RAB2B: variants seen among roughly 807,000 people sequenced by gnomAD.
RAB2B encodes RAB2B, member RAS oncogene family.
A neutral mutation model predicts 29.8 loss-of-function variants in RAB2B; 20 were observed. The ratio of observed to expected loss-of-function variants is 0.67; its 90% confidence interval spans 0.47 to 0.97. The LOEUF (loss-of-function observed/expected upper bound fraction) is 0.97. Ranked by LOEUF, RAB2B falls within the 50% of genes least tolerant of loss-of-function variation. The pLI is 0.00. For missense variants in RAB2B, 218 were observed against 272.0 expected, an observed-to-expected ratio of 0.80 and a Z score of 1.40; for synonymous variants, 93 against 91.7, an observed-to-expected ratio of 1.01 and a Z score of -0.08.
In RAB2B at chr14:21,476,840, G is replaced by A. The variant is rs907444098; in HGVS notation, c.33C>T (p.Ile11=). The change falls in exon 1 of 8, where the codon ATC becomes ATT. Residue 11 remains isoleucine, a synonymous_variant. Transcript: ENST00000397762. ...CCTGAGGGTTACCTGTGTCTCCGAT[G>A]ATGATATACTTGAAGAGATAAGCAT... The part of the protein sequence containing the change: MTYAYLFKYI[I]IGDTGVGKSC... 6.2e-7 allele frequency: 1 copy of A among 1,613,460 alleles called. No individual in the cohort carries two copies. The highest frequency in any genetic ancestry group is 1.7e-4 in the Middle Eastern group (1 of 5,996).
intron 6 of RAB2B, 131 bp from the exon 7 acceptor site, chr14:21,462,549 T>C (rs975083271): frequency 3.6e-4 from 326 of 899,640 alleles, no homozygotes; most frequent in South Asian, 4.0e-4. Context: ...GTAAAAAACA[T>C]AGAAGGTCGG....
At position 21,461,155 on chromosome 14, in the gene RAB2B, A is replaced by G; in HGVS notation, c.*41T>C. On this transcript the variant is annotated 3_prime_UTR_variant, in exon 8 of 8. Transcript: ENST00000397762. ...CTCTTTCATTAAGCCTATTGATCTG[A>G]AGCTATTCCAGGAAGGACAAAAAAA... The G allele has an allele frequency of 7.3e-7, 1 of 1,363,988 alleles. No individual in the cohort carries two copies. The allele number at this position is 1,363,988 out of a possible 1,614,324, so 84.5% of individuals were successfully genotyped here. A position where few individuals can be genotyped will look rare whatever the true frequency, so the allele number is the denominator to read the frequency against.
At chr14:21,467,081 A>AT (rs928832881) in intron 5 of RAB2B, among the ~76,000 whole-genome samples, 11 of 150,706 alleles carry the variant, frequency 7.3e-5, no homozygotes, top group African/African-American at 2.7e-4. Context: ...TACTTTTTGT[A>AT]TTTTTTCAGT....
At chr14:21,462,210 A>T in intron 7 of RAB2B, 140 bp downstream of exon 7, 1 of 587,488 alleles carries the variant, frequency 1.7e-6, no homozygotes, top group Non-Finnish European at 2.7e-6. Flanking sequence ...TTTAAAAAAA[A>T]AAAAAAAAAA....
chr14:21,475,626 A>G (rs1045633207), intron 2 of RAB2B, among the ~76,000 whole-genome samples: 1 of 152,080 alleles, frequency 6.6e-6, no homozygotes, highest in Non-Finnish European at 1.5e-5. Flanking sequence ...TACATTTCCA[A>G]TAATTGCCAG....
At chr14:21,471,704 C>T (rs1214522001) in intron 3 of RAB2B, among the ~76,000 whole-genome samples, 2 of 140,852 alleles carry the variant, frequency 1.4e-5, no homozygotes, top group Admixed American at 1.5e-4. Flanking sequence ...GAGAGGGAGT[C>T]TCGCTCTGTT....
At chr14:21,462,566 G>A in intron 6 of RAB2B, 148 bp from the exon 7 acceptor site, 1 of 741,902 alleles carries the variant, frequency 1.3e-6, no homozygotes, top group Non-Finnish European at 2.0e-6. Context: ...TCGGTTGGGT[G>A]CGGTGGCTCA....
chr14:21,462,236 A>G, intron 7 of RAB2B, 114 bp downstream of exon 7: 1 of 643,276 alleles, frequency 1.6e-6, no homozygotes, highest in Admixed American at 3.2e-5. Context: ...GAATTGGCAG[A>G]GCTTTTAAAT....
At position 21,460,017 on chromosome 14, in the gene RAB2B, TAA is replaced by T; in HGVS notation, c.*1177_*1178del. ...TGTCCCTGACCAACTTCACTGCTCT[TAA>T]AAGTTTTGAAGTTACACTAAGAGAT... On this transcript the variant is annotated 3_prime_UTR_variant, in exon 8 of 8. Transcript: ENST00000397762. 1 of 379,898 alleles carries T rather than the reference TAA, an allele frequency of 2.6e-6. No individual in the cohort carries two copies. Among genetic ancestry groups the T allele is most frequent in the East Asian group, 6.3e-5 (1 of 15,846 alleles). The allele number at this position is 379,898 out of a possible 1,614,324, so 23.5% of individuals were successfully genotyped here. A position where few individuals can be genotyped will look rare whatever the true frequency, so the allele number is the denominator to read the frequency against.
intron 6 of RAB2B, among the ~76,000 whole-genome samples, chr14:21,463,409 G>T (rs1890612951): frequency 6.6e-6 from 1 of 151,952 alleles, no homozygotes; most frequent in South Asian, 2.1e-4. Context: ...GCCATGACCA[G>T]CTAGTTTTTT....
intron 2 of RAB2B, chr14:21,476,148 A>G (rs1890955341): frequency 5.8e-6 from 1 of 173,612 alleles, no homozygotes; most frequent in African/African-American, 2.4e-5. Flanking sequence ...TCACCAATAT[A>G]AAAAATGTCC....
rs568270354 is a variant in RAB2B, at chr14:21,476,003, T to A, written c.118+525A>T. On this transcript the variant is annotated intron_variant, in intron 2 of 7. Coordinates refer to ENST00000397762, the MANE Select transcript of RAB2B (RefSeq NM_032846.4). ...CAGGCCATGCCTTATCACAAACGTGTGGGAAAGGTTAATATTTTCCAGGAT... is the reference window on the plus strand; with the variant it reads ...CAGGCCATGCCTTATCACAAACGTGAGGGAAAGGTTAATATTTTCCAGGAT... 2.4e-3 allele frequency among the ~76,000 whole-genome samples: 365 copies of A among 152,354 alleles called. 1 individual carries two copies. The highest frequency in any genetic ancestry group is 8.3e-3 in the African/African-American group (347 of 41,580).
chr14:21,462,368 T>C lies in RAB2B; in HGVS notation c.525A>G (p.Leu175=), dbSNP rs1890578084. Residue 175 remains leucine, a synonymous_variant, in exon 7 of 8, where the codon TTA becomes TTG. Transcript: ENST00000397762. ...TTCTTACCTCATTGTGGACATCAAA[T>C]AAACCCTGCTGGATCTTCCTATATA... is the stretch of plus-strand genomic sequence containing the variant. ...KEIYRKIQQG[L]FDVHNEANGI... 6.2e-7 allele frequency: 1 copy of C among 1,613,684 alleles called. No homozygotes were observed. Among genetic ancestry groups the C allele is most frequent in the Admixed American group, 1.7e-5 (1 of 59,972 alleles).
chr14:21,476,580 G>A lies in RAB2B; in HGVS notation c.66C>T (p.Leu22=), dbSNP rs761287412. ...ACCGCTTATCTGTAAACTGCAGGAG[G>A]AGACATGACTTCCCCACACCTGAAA... ...IGDTGVGKSC[L]LLQFTDKRFQ... The change falls in exon 2 of 8, where the codon CTC becomes CTT. Residue 22 remains leucine (L), a synonymous_variant. Coordinates refer to ENST00000397762, the MANE Select transcript of RAB2B (RefSeq NM_032846.4). The A allele has an allele frequency of 5.0e-6, 8 of 1,613,602 alleles. No individual in the cohort carries two copies. The highest frequency in any genetic ancestry group is 1.1e-5 in the South Asian group (1 of 91,082).
chr14:21,461,423 A>C, intron 7 of RAB2B, 120 bp from the exon 8 acceptor site: 1 of 621,890 alleles, frequency 1.6e-6, no homozygotes, highest in Non-Finnish European at 2.7e-6. Flanking sequence ...GAAAGGAGAA[A>C]TCATTAATTA....
intron 5 of RAB2B, among the ~76,000 whole-genome samples, chr14:21,466,595 T>C (rs1327106220): frequency 6.6e-6 from 1 of 152,200 alleles, no homozygotes; most frequent in African/African-American, 2.4e-5. Context: ...AAGGGTGCCA[T>C]GGGATACCTC....
Position 21,468,426 on chromosome 14 carries a change from G to T in RAB2B, c.293C>A (p.Thr98Asn). ...CTGCCGGGCATCCTCTAACCATGAG[G>T]TCAGGTGGTTGAAGGTTTCACGCCT... Reference protein sequence around the residue: ...ITRRETFNHLTSWLEDARQHS... With the variant: ...ITRRETFNHLNSWLEDARQHS... The change falls in exon 5 of 8, where the codon ACC (threonine) becomes AAC (asparagine). Residue 98 changes from threonine (T) to asparagine (N), a missense_variant. Coordinates refer to ENST00000397762, the MANE Select transcript of RAB2B (RefSeq NM_032846.4). 1 of 1,614,008 alleles carries T rather than the reference G, an allele frequency of 6.2e-7. No individual in the cohort carries two copies. The highest frequency in any genetic ancestry group is 8.5e-7 in the Non-Finnish European group (1 of 1,179,998).
chr14:21,470,876 G>A (rs1330023786), intron 3 of RAB2B, among the ~76,000 whole-genome samples: 3 of 151,938 alleles, frequency 2.0e-5, no homozygotes, highest in African/African-American at 7.3e-5. Context: ...CTCACCAGGC[G>A]CAGTGGCTCA....
Position 21,474,949 on chromosome 14 carries a change from C to G in RAB2B, c.119-15G>C, listed in dbSNP as rs746236472. On this transcript the variant is annotated splice_polypyrimidine_tract_variant and intron_variant, in intron 2 of 7. Coordinates refer to ENST00000397762, the MANE Select transcript of RAB2B (RefSeq NM_032846.4). ...AAACTCCACACCTGTCGGTAAAGAC[C>G]GAGAGAAAGAATGTGATTCTCACGA... 9 of 1,612,150 alleles carry G rather than the reference C, an allele frequency of 5.6e-6. No individual in the cohort carries two copies. The highest frequency in any genetic ancestry group is 3.3e-5 in the Admixed American group (2 of 60,012).
Sources: allele counts gnomAD v4.1 joint callset (sites outside exome capture counted in the v4.1 genomes callset), GRCh38; gene constraint gnomAD v4.1.1; transcripts MANE v1.5; gene names NCBI Gene and HGNC (gene_info 2026-07-23, HGNC 2026-07-21).